NSG1: variants seen among roughly 807,000 people sequenced by gnomAD.
NSG1 encodes the protein neuronal vesicle trafficking associated 1, also known as neuronal vesicle trafficking-associated protein 1.
In NSG1, 9 loss-of-function variants were observed where a neutral mutation model predicts 19.3. The ratio of observed to expected loss-of-function variants is 0.47; its 90% confidence interval spans 0.28 to 0.81. NSG1 has a LOEUF of 0.81. NSG1 is among the 40% of genes least tolerant of loss of function. The pLI is 0.11. For synonymous variants in NSG1, 104 were observed against 107.0 expected (o/e 0.97, Z 0.17); for missense variants, 236 against 242.4 (o/e 0.97, Z 0.18).
At chr4:4,403,031 TC>T (rs1445071688) in intron 3 of NSG1, among the ~76,000 whole-genome samples, 2 of 152,338 alleles carry the variant, frequency 1.3e-5, no homozygotes, top group East Asian at 3.9e-4. Context: ...CTGGGTCGGC[TC>T]CAGGTGTCCA....
chr4:4,414,890 G>A (rs1404587106), intron 4 of NSG1, among the ~76,000 whole-genome samples: 1 of 151,920 alleles, frequency 6.6e-6, no homozygotes, highest in African/African-American at 2.4e-5. Context: ...GAGGCATATC[G>A]TGAGGAGGGT....
Position 4,387,506 on chromosome 4 carries a change from C to A in NSG1, c.-26-98C>A, listed in dbSNP as rs1292487304. On this transcript the variant is annotated intron_variant, in intron 1 of 4. Transcript: ENST00000621129. ...CGAGACGAAGCGGGGCCGGGGAGCT[C>A]GCGGACGCCGGGACGCCGGTGGGTG... 3.9e-5 allele frequency: 31 copies of A among 794,570 alleles called. No individual in the cohort carries two copies. The East Asian group carries it at 8.7e-4, about 22-fold the overall frequency. The allele number at this position is 794,570 out of a possible 1,614,324, so 49.2% of individuals were successfully genotyped here.
rs115423396 is a variant in NSG1, at chr4:4,390,897, A to C, written c.130-578A>C. On this transcript the variant is annotated intron_variant, in intron 2 of 4. Transcript: ENST00000621129. ...ACAGTAGGGGGTGGAGGGGAATGAGAGCAGGGAGACCCTTTGGGGGCTGTG... is the reference window on the plus strand; with the variant it reads ...ACAGTAGGGGGTGGAGGGGAATGAGCGCAGGGAGACCCTTTGGGGGCTGTG... 9.2e-3 allele frequency among the ~76,000 whole-genome samples: 1,314 copies of C among 142,436 alleles called. 14 individuals are homozygous for C. Among genetic ancestry groups the C allele is most frequent in the African/African-American group, 0.033 (1,235 of 37,628 alleles). The allele number at this position is 142,436 out of a possible 152,430, so 93.4% of individuals were successfully genotyped here.
intron 2 of NSG1, among the ~76,000 whole-genome samples, chr4:4,389,977 T>C (rs1011951355): frequency 6.6e-6 from 1 of 152,182 alleles, no homozygotes; most frequent in African/African-American, 2.4e-5. Flanking sequence ...ACGGAGAGTT[T>C]GAGAATTGCC....
chr4:4,389,316 G>A (rs1254941961), intron 2 of NSG1, among the ~76,000 whole-genome samples: 1 of 152,222 alleles, frequency 6.6e-6, no homozygotes, highest in African/African-American at 2.4e-5. Flanking sequence ...GAAAGGTGAT[G>A]AGTCTGCTCT....
intron 2 of NSG1, 101 bp from the exon 3 acceptor site, chr4:4,391,374 T>G (rs1202514315): frequency 1.4e-6 from 1 of 715,430 alleles, no homozygotes; most frequent in African/African-American, 1.8e-5. Context: ...AATTTCTTCC[T>G]GGCAAATGGT....
In NSG1 at chr4:4,401,470, C is replaced by G. The variant is rs572062849; in HGVS notation, c.247-8103C>G. Among the ~76,000 whole-genome samples, 18 of 152,278 alleles carry G rather than the reference C, an allele frequency of 1.2e-4. No individual in the cohort carries two copies. In the South Asian group the frequency reaches 3.5e-3, roughly 30 times the overall value. ...CACTGGGTTTTTTGATGCTTCAGGCCCGTGGCACAAACCCTTTCTTCCTGC... is the reference window on the plus strand; with the variant it reads ...CACTGGGTTTTTTGATGCTTCAGGCGCGTGGCACAAACCCTTTCTTCCTGC... On this transcript the variant is annotated intron_variant, in intron 3 of 4. Coordinates refer to ENST00000621129, the MANE Select transcript of NSG1 (RefSeq NM_014392.5).
rs1724654901 is a variant in NSG1 at position 4,417,680 on chromosome 4, C to T, written c.*245C>T. The T allele has an allele frequency of 1.9e-6, 1 of 526,636 alleles. No individual in the cohort carries two copies. Among genetic ancestry groups the T allele is most frequent in the Non-Finnish European group, 3.4e-6 (1 of 293,876 alleles). 32.6% of individuals were successfully genotyped at this position (526,636 alleles called of 1,614,324 possible). A position where few individuals can be genotyped will look rare whatever the true frequency, so the allele number is the denominator to read the frequency against. On this transcript the variant is annotated 3_prime_UTR_variant, in exon 5 of 5. Coordinates refer to ENST00000621129, the MANE Select transcript of NSG1 (RefSeq NM_014392.5). ...TTTTCATGTTAAGATCTTCATTTAG[C>T]TCCTTTACTGGGATTTATTGGATGC... is the stretch of plus-strand genomic sequence containing the variant.
intron 2 of NSG1, among the ~76,000 whole-genome samples, chr4:4,389,948 C>T (rs35031248): frequency 0.038 from 5,764 of 152,268 alleles, 129 homozygotes; most frequent in Non-Finnish European, 0.049. Flanking sequence ...CCCCATTTTG[C>T]AGATGTGGAA....
intron 1 of NSG1, 43 bp from the exon 2 acceptor site, chr4:4,387,561 C>A: frequency 1.8e-6 from 2 of 1,141,992 alleles, no homozygotes; most frequent in African/African-American, 1.6e-5. Flanking sequence ...CGCCCCGCCC[C>A]GGGTCTTGCT....
intron 3 of NSG1, among the ~76,000 whole-genome samples, chr4:4,396,766 C>T (rs759349158): frequency 1.3e-5 from 2 of 151,722 alleles, no homozygotes; most frequent in Non-Finnish European, 2.9e-5. Context: ...TCTGTTTCCA[C>T]ATTCTCCAGT....
At chr4:4,410,059 G>A (rs555587834) in intron 4 of NSG1, among the ~76,000 whole-genome samples, 100 of 152,304 alleles carry the variant, frequency 6.6e-4, no homozygotes, top group African/African-American at 1.9e-3. Flanking sequence ...GACCATGTCC[G>A]CCACATGAAA....
At chr4:4,387,944 G>T (rs1204086614) in intron 2 of NSG1, among the ~76,000 whole-genome samples, 186 bp downstream of exon 2, 1 of 150,572 alleles carries the variant, frequency 6.6e-6, no homozygotes, top group Non-Finnish European at 1.5e-5. Flanking sequence ...TGCTGGGCGG[G>T]GGAGGGGAGC....
chr4:4,404,850 T>C (rs1301943162), intron 3 of NSG1, among the ~76,000 whole-genome samples: 3 of 152,160 alleles, frequency 2.0e-5, no homozygotes, highest in Admixed American at 2.0e-4. Context: ...GGCTGGGATG[T>C]TCCAGAGCCT....
chr4:4,386,875 G>A (rs1722740660), upstream of NSG1: 1 of 152,064 alleles, frequency 6.6e-6, no homozygotes, highest in Non-Finnish European at 1.5e-5. Context: ...CCCCGGCTCA[G>A]GGCGGGCGCG....
chr4:4,418,206 TAGTC>T lies in NSG1; in HGVS notation c.*772_*775del, dbSNP rs1249137338. 6.6e-6 allele frequency: 1 copy of T among 152,372 alleles called. No individual in the cohort carries two copies. The highest frequency in any genetic ancestry group is 1.5e-5 in the Non-Finnish European group (1 of 68,204). The allele number at this position is 152,372 out of a possible 1,614,324, so 9.4% of individuals were successfully genotyped here. Reference sequence around the variant, plus strand: ...TGAGGTGCAGAACTCTCCCTGCAGGTAGTCTGTCTGCTCTGTGATGTGCTGATAG... The same window carrying T: ...TGAGGTGCAGAACTCTCCCTGCAGGTTGTCTGCTCTGTGATGTGCTGATAG... On this transcript the variant is annotated 3_prime_UTR_variant, in exon 5 of 5. Transcript: ENST00000621129.
intron 3 of NSG1, among the ~76,000 whole-genome samples, chr4:4,392,957 A>G (rs1267763789): frequency 6.6e-6 from 1 of 152,098 alleles, no homozygotes; most frequent in African/African-American, 2.4e-5. Flanking sequence ...GGCCAGGACC[A>G]AGACATACTG....
At chr4:4,409,489 G>GC (rs1553819195) in intron 3 of NSG1, 84 bp from the exon 4 acceptor site, 11 of 904,156 alleles carry the variant, frequency 1.2e-5, no homozygotes, top group Non-Finnish European at 1.8e-5. Flanking sequence ...CATGCTGTGT[G>GC]GGGGGGGGCC....
chr4:4,404,143 A>G (rs936830941), intron 3 of NSG1, among the ~76,000 whole-genome samples: 5 of 152,218 alleles, frequency 3.3e-5, no homozygotes, highest in African/African-American at 7.2e-5. Context: ...CTCTTTTTGC[A>G]TAGCCAACAC....
Sources: gnomAD v4.1 joint callset for allele counts (sites outside exome capture counted in the v4.1 genomes callset) on GRCh38, gnomAD v4.1.1 for gene constraint, MANE v1.5 for transcripts, NCBI Gene and HGNC (gene_info 2026-07-23, HGNC 2026-07-21) for gene names.